The following ABTB3 variants were observed in gnomAD, a reference collection of about 807,000 sequenced individuals.
ABTB3 encodes ankyrin repeat- and BTB/POZ domain-containing protein 3.
the ABTB3 span, among the ~76,000 whole-genome samples, chr12:107,533,469 T>C: frequency 6.6e-6 from 1 of 152,118 alleles, no homozygotes; most frequent in African/African-American, 2.4e-5. Context: ...CATACAACAG[T>C]AGCTATATTT....
At chr12:107,546,374 A>G in the ABTB3 span, among the ~76,000 whole-genome samples, 1 of 152,134 alleles carries the variant, frequency 6.6e-6, no homozygotes, top group Non-Finnish European at 1.5e-5. Context: ...AGGCTCTAAG[A>G]ATGTTACCAC....
chr12:107,617,528 G>C, the ABTB3 span: 1 of 1,507,984 alleles, frequency 6.6e-7, no homozygotes, highest in East Asian at 2.3e-5. Context: ...TGTCTCTCTG[G>C]ATGTGGGGCC....
At chr12:107,366,968 G>C in the ABTB3 span, among the ~76,000 whole-genome samples, 1 of 152,192 alleles carries the variant, frequency 6.6e-6, no homozygotes, top group Non-Finnish European at 1.5e-5. Context: ...TCCCCACTTG[G>C]CTGTGCCTGT....
the ABTB3 span, among the ~76,000 whole-genome samples, chr12:107,603,648 T>A: frequency 6.6e-6 from 1 of 152,188 alleles, no homozygotes; most frequent in Non-Finnish European, 1.5e-5. Flanking sequence ...TGGGCAATGA[T>A]TTTTTTGGTG....
the ABTB3 span, chr12:107,609,927 T>C: frequency 2.3e-6 from 1 of 443,668 alleles, no homozygotes; most frequent in African/African-American, 2.0e-5. Flanking sequence ...GCCTAGTCCA[T>C]AGTAAATATT....
At chr12:107,359,154 G>T in the ABTB3 span, among the ~76,000 whole-genome samples, 1 of 152,228 alleles carries the variant, frequency 6.6e-6, no homozygotes, top group Non-Finnish European at 1.5e-5. Context: ...GTCAGACGTG[G>T]TGCCTGTGCT....
chr12:107,400,507 G>T, the ABTB3 span, among the ~76,000 whole-genome samples: 1 of 152,136 alleles, frequency 6.6e-6, no homozygotes, highest in Middle Eastern at 3.2e-3. Context: ...TGACATTTGT[G>T]TCTGTTTGCA....
chr12:107,339,437 A>G, the ABTB3 span, among the ~76,000 whole-genome samples: 1 of 152,292 alleles, frequency 6.6e-6, no homozygotes, highest in African/African-American at 2.4e-5. Context: ...AAAGATTTCC[A>G]CTGAAAGATT....
the ABTB3 span, among the ~76,000 whole-genome samples, chr12:107,461,146 T>C: frequency 6.6e-6 from 1 of 152,022 alleles, no homozygotes; most frequent in Non-Finnish European, 1.5e-5. Flanking sequence ...AACCATCAGA[T>C]CTTGTGAGAC....
chr12:107,603,076 G>T, the ABTB3 span, among the ~76,000 whole-genome samples: 1 of 152,208 alleles, frequency 6.6e-6, no homozygotes, highest in African/African-American at 2.4e-5. Context: ...CAGGTGACCA[G>T]CTGAATAGAT....
the ABTB3 span, among the ~76,000 whole-genome samples, chr12:107,416,270 G>C: frequency 6.6e-6 from 1 of 152,292 alleles, no homozygotes; most frequent in African/African-American, 2.4e-5. Flanking sequence ...GGCACCTAGA[G>C]AGAGAGGTAT....
chr12:107,551,755 C>CT, the ABTB3 span, among the ~76,000 whole-genome samples: 16,830 of 146,022 alleles, frequency 0.12, 999 homozygotes, highest in African/African-American at 0.14. Context: ...TTATAATCTT[C>CT]TTTTTTTTTT....
chr12:107,354,992 C>CT, the ABTB3 span, among the ~76,000 whole-genome samples: 7 of 152,148 alleles, frequency 4.6e-5, no homozygotes, highest in Non-Finnish European at 7.4e-5. Context: ...TGATTACATT[C>CT]TTTTTTGTCG....
the ABTB3 span, among the ~76,000 whole-genome samples, chr12:107,451,055 C>G: frequency 2.0e-5 from 3 of 152,040 alleles, no homozygotes. Flanking sequence ...AAACGGTGCC[C>G]TTTTGCAGCA....
At chr12:107,336,358 T>A in the ABTB3 span, among the ~76,000 whole-genome samples, 7 of 152,340 alleles carry the variant, frequency 4.6e-5, no homozygotes, top group South Asian at 6.2e-4. Context: ...TGGTTGATTT[T>A]AAGGGGAGGG....
chr12:107,467,416 G>A, the ABTB3 span, among the ~76,000 whole-genome samples: 6 of 152,128 alleles, frequency 3.9e-5, no homozygotes, highest in East Asian at 1.9e-4. Context: ...GTGGCCTGGC[G>A]TGGTATAGAT....
At chr12:107,404,658 C>T in the ABTB3 span, among the ~76,000 whole-genome samples, 1 of 152,260 alleles carries the variant, frequency 6.6e-6, no homozygotes, top group Middle Eastern at 3.4e-3. Flanking sequence ...GATGTATACC[C>T]GGGTTTTCTA....
At chr12:107,591,405 G>T in the ABTB3 span, among the ~76,000 whole-genome samples, 73 of 152,308 alleles carry the variant, frequency 4.8e-4, 1 homozygote, top group East Asian at 0.014. Context: ...CATGGCGGAA[G>T]GGGAAGTAGG....
At chr12:107,356,400 G>A in the ABTB3 span, among the ~76,000 whole-genome samples, 2,446 of 152,212 alleles carry the variant, frequency 0.016, 78 homozygotes, top group African/African-American at 0.055. Context: ...TCTTTAATAC[G>A]ATGAGGAGGC....
Sources: allele counts gnomAD v4.1 joint callset (sites outside exome capture counted in the v4.1 genomes callset), GRCh38; gene constraint gnomAD v4.1.1; transcripts MANE v1.5; gene names NCBI Gene and HGNC (gene_info 2026-07-23, HGNC 2026-07-21).